MSRA: variants seen among roughly 807,000 people sequenced by gnomAD.
The protein encoded by MSRA is mitochondrial peptide methionine sulfoxide reductase.
MSRA carries 54 observed loss-of-function variants against 31.3 expected under a neutral mutation model. That is an observed-to-expected ratio of 1.73 (90% CI 1.39 to 2.17). MSRA has a LOEUF of 2.17. MSRA is among the 30% of genes most tolerant of loss of function. The pLI, the probability that MSRA is intolerant of heterozygous loss-of-function variation, is 0.00. For missense variants in MSRA, 507 were observed against 300.9 expected (o/e 1.69, Z -5.07); for synonymous variants, 169 against 116.5 (o/e 1.45, Z -2.90).
At chr8:10,189,628 G>GT (rs1807345476) in intron 1 of MSRA, among the ~76,000 whole-genome samples, 1 of 152,058 alleles carries the variant, frequency 6.6e-6, no homozygotes. Flanking sequence ...AGTTAATATG[G>GT]TAAATGACAT....
chr8:10,314,086 G>A (rs142860364), intron 4 of MSRA, among the ~76,000 whole-genome samples: 111 of 152,118 alleles, frequency 7.3e-4, no homozygotes, highest in African/African-American at 2.5e-3. Context: ...CTTGGGTTTC[G>A]GAAGCATTTC....
intron 1 of MSRA, among the ~76,000 whole-genome samples, chr8:10,196,133 G>A (rs1232715746): frequency 3.3e-5 from 5 of 152,224 alleles, no homozygotes; most frequent in African/African-American, 4.8e-5. Context: ...CAACCTCCAG[G>A]CATACGATGT....
At chr8:10,405,842 C>G (rs1807778684) in intron 5 of MSRA, among the ~76,000 whole-genome samples, 1 of 152,200 alleles carries the variant, frequency 6.6e-6, no homozygotes, top group African/African-American at 2.4e-5. Flanking sequence ...TAATCACAGA[C>G]ATGCTCACAC....
At chr8:10,309,364 C>T (rs1801310623) in intron 4 of MSRA, among the ~76,000 whole-genome samples, 1 of 152,222 alleles carries the variant, frequency 6.6e-6, no homozygotes, top group East Asian at 1.9e-4. Context: ...TAAGCGCTGG[C>T]TCTAATAGCT....
At chr8:10,235,376 A>C (rs575253346) in intron 2 of MSRA, among the ~76,000 whole-genome samples, 1 of 152,170 alleles carries the variant, frequency 6.6e-6, no homozygotes, top group Non-Finnish European at 1.5e-5. Flanking sequence ...AAAGTACTAC[A>C]TATCTATACG....
At chr8:10,185,967 G>A (rs1397988763) in intron 1 of MSRA, among the ~76,000 whole-genome samples, 2 of 151,998 alleles carry the variant, frequency 1.3e-5, no homozygotes, top group African/African-American at 4.8e-5. Flanking sequence ...GTTCTGGGTT[G>A]GGGGGAGTGG....
chr8:10,220,117 A>G (rs17692982), intron 2 of MSRA, among the ~76,000 whole-genome samples: 20,430 of 152,220 alleles, frequency 0.13, 1,527 homozygotes, highest in East Asian at 0.28. Context: ...ACAGAGTCTT[A>G]AAAGCCCACG....
rs1345478619 is a variant in MSRA, at chr8:10,173,353, G to A, written c.143-34480G>A. Reference sequence around the variant, plus strand: ...ACTGTGAAATCAAGGAATCGCTCTGGTGAAGAATCTGGGGGTGAAGACCAG... The same window carrying A: ...ACTGTGAAATCAAGGAATCGCTCTGATGAAGAATCTGGGGGTGAAGACCAG... On this transcript the variant is annotated intron_variant, in intron 1 of 5. Transcript: ENST00000317173. Among the ~76,000 whole-genome samples the A allele has an allele frequency of 2.0e-5, 3 of 152,212 alleles. No homozygotes were observed. In the East Asian group the frequency reaches 5.8e-4, roughly 29 times the overall value.
intron 5 of MSRA, among the ~76,000 whole-genome samples, chr8:10,363,239 G>C (rs1325267334): frequency 1.3e-5 from 2 of 152,150 alleles, no homozygotes; most frequent in East Asian, 3.9e-4. Flanking sequence ...CTCCTTCTCA[G>C]GCCTTTGAAC....
intron 5 of MSRA, among the ~76,000 whole-genome samples, chr8:10,400,866 C>T (rs547146515): frequency 6.6e-6 from 1 of 152,134 alleles, no homozygotes; most frequent in South Asian, 2.1e-4. Context: ...CCATACACAA[C>T]AATTAACTCA....
rs959487961 is a variant in MSRA at position 10,117,361 on chromosome 8, C to T, written c.142+62703C>T. Among the ~76,000 whole-genome samples, 84 of 152,250 alleles carry T rather than the reference C, an allele frequency of 5.5e-4. 1 individual carries two copies. The highest frequency in any genetic ancestry group is 1.7e-3 in the African/African-American group (71 of 41,546). The stretch of plus-strand genomic sequence containing the variant: ...GGGCAACAAACACAGCCTCAAAAAT[C>T]CACAGCTCTTCCCTAGACTGGGTCT... On this transcript the variant is annotated intron_variant, in intron 1 of 5. Transcript: ENST00000317173.
At chr8:10,233,679 A>G (rs1000068069) in intron 2 of MSRA, among the ~76,000 whole-genome samples, 1 of 152,242 alleles carries the variant, frequency 6.6e-6, no homozygotes, top group African/African-American at 2.4e-5. Flanking sequence ...CAGCAGTTAA[A>G]TGACACAGAG....
intron 5 of MSRA, among the ~76,000 whole-genome samples, chr8:10,401,934 A>G (rs1807492012): frequency 6.6e-6 from 1 of 152,210 alleles, no homozygotes; most frequent in African/African-American, 2.4e-5. Flanking sequence ...TGGGTAAAGA[A>G]TTTCTGTCGG....
At chr8:10,149,551 A>G (rs1377439392) in intron 1 of MSRA, among the ~76,000 whole-genome samples, 3 of 152,030 alleles carry the variant, frequency 2.0e-5, no homozygotes, top group East Asian at 3.9e-4. Flanking sequence ...ATACTTGCCA[A>G]TTTCCCCTTT....
intron 5 of MSRA, among the ~76,000 whole-genome samples, chr8:10,391,232 G>T (rs1414838707): frequency 6.6e-6 from 1 of 152,172 alleles, no homozygotes; most frequent in Non-Finnish European, 1.5e-5. Flanking sequence ...AGTGAACCTA[G>T]TTTGAAAAGA....
intron 3 of MSRA, among the ~76,000 whole-genome samples, chr8:10,287,267 T>C (rs1799986775): frequency 6.6e-6 from 1 of 152,328 alleles, no homozygotes; most frequent in South Asian, 2.1e-4. Context: ...GAATCAAACC[T>C]ACTGGGCCCT....
At chr8:10,363,557 T>C (rs984759549) in intron 5 of MSRA, among the ~76,000 whole-genome samples, 4 of 152,142 alleles carry the variant, frequency 2.6e-5, no homozygotes, top group Non-Finnish European at 5.9e-5. Context: ...AGTAGTCCCC[T>C]TAGCCTGTAA....
intron 1 of MSRA, among the ~76,000 whole-genome samples, chr8:10,201,455 T>C (rs574916771): frequency 2.0e-5 from 3 of 152,258 alleles, no homozygotes; most frequent in African/African-American, 7.2e-5. Context: ...AGTTAGGTGG[T>C]GTCCCCTGGT....
At chr8:10,250,779 C>T in intron 3 of MSRA, 1 of 323,500 alleles carries the variant, frequency 3.1e-6, no homozygotes, top group East Asian at 5.4e-5. Context: ...AGCCCGTTTC[C>T]TCTCTTGTAA....
Sources: allele counts gnomAD v4.1 joint callset (sites outside exome capture counted in the v4.1 genomes callset), GRCh38; gene constraint gnomAD v4.1.1; transcripts MANE v1.5; gene names NCBI Gene and HGNC (gene_info 2026-07-23, HGNC 2026-07-21).